The following BANF2 variants were observed in gnomAD, a reference collection of about 807,000 sequenced individuals.
BANF2 encodes barrier-to-autointegration factor-like protein.
In BANF2, 4 loss-of-function variants were observed where a neutral mutation model predicts 8.0. The ratio of observed to expected loss-of-function variants is 0.50; its 90% CI spans 0.25 to 1.14. The LOEUF is 1.14. Among genes scored for constraint, BANF2 ranks in the 50% most tolerant of loss-of-function variants. BANF2 has a pLI of 0.16. For missense variants in BANF2, 96 were observed against 107.5 expected (o/e 0.89, Z 0.47); for synonymous variants, 50 against 40.6 (o/e 1.23, Z -0.88).
intron 3 of BANF2, among the ~76,000 whole-genome samples, chr20:17,731,759 GAAAAAA>G (rs58645809): frequency 1.1e-4 from 10 of 95,036 alleles, no homozygotes; most frequent in South Asian, 3.8e-4. Context: ...CGTCTCTTAG[GAAAAAA>G]AAAAAAAAAA....
At position 17,709,814 on chromosome 20, in the gene BANF2, G is replaced by T. The variant is rs149487063; in HGVS notation, c.-167+9759G>T. ...TCATCCCAAGGGCAGGTGGGTGGAT[G>T]AAATGAGATGATCTTGGTGCGGAGC... On this transcript the variant is annotated intron_variant, in intron 1 of 3. Coordinates refer to ENST00000246090, the MANE Select transcript of BANF2 (RefSeq NM_178477.5). Among the ~76,000 whole-genome samples the T allele has an allele frequency of 1.1e-4, 17 of 152,352 alleles. No homozygotes were observed. In the East Asian group the frequency reaches 3.3e-3, roughly 29 times the overall value.
intron 1 of BANF2, among the ~76,000 whole-genome samples, chr20:17,715,924 CTG>C (rs1243006866): frequency 6.6e-6 from 1 of 152,242 alleles, no homozygotes; most frequent in African/African-American, 2.4e-5. Context: ...ACTGGGGACT[CTG>C]TCTCTTCCCT....
chr20:17,710,737 T>C (rs2037557376), intron 1 of BANF2, among the ~76,000 whole-genome samples: 2 of 152,196 alleles, frequency 1.3e-5, no homozygotes, highest in South Asian at 2.1e-4. Flanking sequence ...GTTTCCCCTT[T>C]AGCTTCGAGC....
intron 3 of BANF2, among the ~76,000 whole-genome samples, chr20:17,731,837 C>T (rs1459329527): frequency 1.3e-5 from 2 of 148,884 alleles, no homozygotes; most frequent in East Asian, 2.0e-4. Flanking sequence ...GAGGCCGAGG[C>T]GGGCAGATCA....
intron 2 of BANF2, 51 bp downstream of exon 2, chr20:17,722,929 C>T (rs533396374): frequency 4.0e-5 from 37 of 934,536 alleles, no homozygotes; most frequent in South Asian, 2.0e-4. Flanking sequence ...GAAAGGGAGG[C>T]GTTGGATGCA....
intron 2 of BANF2, 149 bp from the exon 3 acceptor site, chr20:17,724,874 G>A (rs2037781053): frequency 1.3e-6 from 1 of 794,988 alleles, no homozygotes; most frequent in South Asian, 1.9e-5. Context: ...CCTGCATTTA[G>A]TAGACCCCGG....
At chr20:17,725,212 C>T in intron 3 of BANF2, 61 bp downstream of exon 3, 6 of 1,541,382 alleles carry the variant, frequency 3.9e-6, no homozygotes, top group East Asian at 2.3e-5. Context: ...CCCAGTCCTG[C>T]CAGATGGCAG....
At chr20:17,705,794 GTT>G (rs1239422575) in intron 1 of BANF2, among the ~76,000 whole-genome samples, 12 of 152,244 alleles carry the variant, frequency 7.9e-5, no homozygotes, top group Admixed American at 7.2e-4. Context: ...CAGATGCTAT[GTT>G]GAGGCATACT....
At chr20:17,734,319 GT>G (rs2037944039) in intron 3 of BANF2, among the ~76,000 whole-genome samples, 1 of 152,102 alleles carries the variant, frequency 6.6e-6, no homozygotes, top group African/African-American at 2.4e-5. Context: ...CGTGGACAAG[GT>G]TTAGCATGTT....
At chr20:17,715,322 A>G (rs1015406259) in intron 1 of BANF2, among the ~76,000 whole-genome samples, 1 of 152,188 alleles carries the variant, frequency 6.6e-6, no homozygotes, top group Non-Finnish European at 1.5e-5. Context: ...TGGGAGAGGT[A>G]TCTGCAGAAG....
chr20:17,699,948 G>C, upstream of BANF2: 1 of 981,952 alleles, frequency 1.0e-6, no homozygotes, highest in Non-Finnish European at 1.2e-6. Flanking sequence ...TCTTGAGACT[G>C]ATTTGCCCCA....
intron 1 of BANF2, among the ~76,000 whole-genome samples, chr20:17,709,365 G>A (rs1414681857): frequency 6.6e-6 from 1 of 152,178 alleles, no homozygotes; most frequent in East Asian, 1.9e-4. Flanking sequence ...GGCAAGGGCA[G>A]GACACACAAA....
At chr20:17,730,897 G>T (rs1022751801) in intron 3 of BANF2, among the ~76,000 whole-genome samples, 1 of 152,216 alleles carries the variant, frequency 6.6e-6, no homozygotes, top group South Asian at 2.1e-4. Context: ...TTTCAGATAA[G>T]CAAATAATTT....
chr20:17,696,620 A>G (rs2037348110), upstream of BANF2, among the ~76,000 whole-genome samples: 1 of 152,198 alleles, frequency 6.6e-6, no homozygotes, highest in Non-Finnish European at 1.5e-5. Context: ...AGGCAGAACT[A>G]AAGACTGTTT....
Position 17,712,351 on chromosome 20 carries a change from T to C in BANF2, c.-166-10365T>C, listed in dbSNP as rs556227450. 4 of 186,142 alleles carry C rather than the reference T, an allele frequency of 2.1e-5. No homozygotes were observed. In the East Asian group the frequency reaches 5.7e-4, roughly 26 times the overall value. The allele number at this position is 186,142 out of a possible 1,614,324, so 11.5% of individuals were successfully genotyped here. A position where few individuals can be genotyped will look rare whatever the true frequency, so the allele number is the denominator to read the frequency against. On this transcript the variant is annotated intron_variant, in intron 1 of 3. Coordinates refer to ENST00000246090, the MANE Select transcript of BANF2 (RefSeq NM_178477.5). ...CCAAGGGCACTGCCTCAAGCTTATC[T>C]TCCCAGCCACTGTTTACTGCTGCTA...
chr20:17,723,343 G>C (rs978063085), intron 2 of BANF2, among the ~76,000 whole-genome samples: 19 of 152,210 alleles, frequency 1.2e-4, no homozygotes, highest in African/African-American at 4.1e-4. Context: ...TTGGGGGAGA[G>C]GGCTGTGGCT....
chr20:17,694,315 C>A (rs1016870352), intron 1 of BANF2, among the ~76,000 whole-genome samples: 3 of 152,210 alleles, frequency 2.0e-5, no homozygotes, highest in Middle Eastern at 3.4e-3. Context: ...CCAAGAGACA[C>A]TGGAGCTGAA....
rs531249579 is a variant in BANF2, at chr20:17,707,873, C to A, written c.-167+7818C>A. 9.2e-5 allele frequency among the ~76,000 whole-genome samples: 14 copies of A among 152,024 alleles called. 1 individual carries two copies. In the East Asian group the frequency reaches 2.6e-3, roughly 28 times the overall value. On this transcript the variant is annotated intron_variant, in intron 1 of 3. Transcript: ENST00000246090. ...GGGATTACAGGCGTGTGCCACTGCA[C>A]CCAGCCCCAGCCAAGATTGTTTTTT...
chr20:17,723,628 G>A (rs571273701), intron 2 of BANF2, among the ~76,000 whole-genome samples: 1 of 152,338 alleles, frequency 6.6e-6, no homozygotes, highest in South Asian at 2.1e-4. Flanking sequence ...ATGCTACAAT[G>A]AACAAACCTT....
Sources: gnomAD v4.1 joint callset for allele counts (sites outside exome capture counted in the v4.1 genomes callset) on GRCh38, gnomAD v4.1.1 for gene constraint, MANE v1.5 for transcripts, NCBI Gene and HGNC (gene_info 2026-07-23, HGNC 2026-07-21) for gene names.